The following ERFE variants were observed in gnomAD, a reference collection of about 807,000 sequenced individuals.
The protein encoded by ERFE is erythroferrone, also known as complement C1q tumor necrosis factor-related protein 15.
ERFE carries 25 observed loss-of-function variants against 26.6 expected under a neutral mutation model. That is an observed-to-expected ratio of 0.94 (90% CI 0.69 to 1.31). The LOEUF (loss-of-function observed/expected upper bound fraction) is 1.31. Ranked by LOEUF, ERFE falls within the 40% of genes most tolerant of loss-of-function variation. The probability of loss-of-function intolerance (pLI) is 0.00; values close to 1 mark genes in which losing one functional copy is unlikely to be tolerated. For synonymous variants in ERFE, 206 were observed against 204.5 expected (o/e 1.01, Z -0.06); for missense variants, 447 against 440.2 (o/e 1.02, Z -0.14).
chr2:238,164,440 C>G, intron 6 of ERFE, 80 bp downstream of exon 6: 1 of 1,404,074 alleles, frequency 7.1e-7, no homozygotes, highest in Non-Finnish European at 9.7e-7. Flanking sequence ...AGGCACTGGA[C>G]GGGGCTTCCG....
rs1172937238 is a variant in ERFE at position 238,165,653 on chromosome 2, C to T, written c.935C>T (p.Thr312Ile). 1 of 1,549,682 alleles carries T rather than the reference C, an allele frequency of 6.5e-7. No individual in the cohort carries two copies. The highest frequency in any genetic ancestry group is 1.2e-5 in the South Asian group (1 of 84,038). The change falls in exon 7 of 8, where the codon ACC becomes ATC. Residue 312 changes from threonine to isoleucine, a missense_variant. Thr to Ile is a moderately conservative substitution (Grantham distance 89). Transcript: ENST00000546354. ...CTGGAGAGCAGCAGTGAGCTCTTCA[C>T]CATCTCTGTGAATGGCGTCCTGTAC... ...MGLESSSELF[T>I]ISVNGVLYLQ... is the part of the protein sequence containing the mutation.
At chr2:238,160,173 T>A (rs1432158028) in intron 1 of ERFE, among the ~76,000 whole-genome samples, 3 of 152,190 alleles carry the variant, frequency 2.0e-5, no homozygotes, top group Non-Finnish European at 4.4e-5. Context: ...TGGACCCTGT[T>A]TGTGGGGGAC....
chr2:238,163,650 T>TAG, intron 3 of ERFE, 87 bp from the exon 4 acceptor site: 1 of 1,218,878 alleles, frequency 8.2e-7, no homozygotes, highest in Non-Finnish European at 1.0e-6. Flanking sequence ...GCCCCTGGTC[T>TAG]CGCTAGCACC....
rs1434869910 is a variant in ERFE at position 238,163,995 on chromosome 2, A to C, written c.683A>C (p.Tyr228Ser). ...RRALHELGVY[Y>S]LPDAEGAFRR... ...GCGCTGCACGAGCTTGGCGTCTACT[A>C]CCTGGTGAGTGCCGGCGCGCGGGAG... The change falls in exon 4 of 8, where the codon TAC becomes TCC. Residue 228 changes from tyrosine (Y) to serine (S), a missense_variant. Physicochemically the swap from Tyr to Ser is moderately radical, Grantham distance 144. Coordinates refer to ENST00000546354, the MANE Select transcript of ERFE (RefSeq NM_001291832.2). The C allele has an allele frequency of 5.8e-6, 8 of 1,385,892 alleles. No individual in the cohort carries two copies. In the African/African-American group the frequency reaches 1.1e-4, roughly 18 times the overall value. The allele number at this position is 1,385,892 out of a possible 1,614,324, so 85.8% of individuals were successfully genotyped here. A position where few individuals can be genotyped will look rare whatever the true frequency, so the allele number is the denominator to read the frequency against.
chr2:238,163,784 G>A lies in ERFE; in HGVS notation c.472G>A (p.Gly158Ser). ...ERAEPEPCTC[G>S]PAGPVAASLA... Reference sequence around the variant, plus strand: ...CGCGGAGCCCGAACCCTGTACGTGTGGCCCCGCCGGGCCGGTCGCTGCGAG... The same window carrying A: ...CGCGGAGCCCGAACCCTGTACGTGTAGCCCCGCCGGGCCGGTCGCTGCGAG... The change falls in exon 4 of 8, where the codon GGC (glycine) becomes AGC (serine). Residue 158 changes from glycine to serine, a missense_variant. Physicochemically the swap from Gly to Ser is moderately conservative, Grantham distance 56 (BLOSUM62 0). Transcript: ENST00000546354. 7.4e-7 allele frequency: 1 copy of A among 1,356,466 alleles called. No individual in the cohort carries two copies. The highest frequency in any genetic ancestry group is 9.4e-7 in the Non-Finnish European group (1 of 1,059,004). 84.0% of individuals were successfully genotyped at this position (1,356,466 alleles called of 1,614,324 possible).
At chr2:238,162,550 C>T (rs1692954463) in intron 2 of ERFE, among the ~76,000 whole-genome samples, 186 bp from the exon 3 acceptor site, 1 of 152,264 alleles carries the variant, frequency 6.6e-6, no homozygotes, top group Non-Finnish European at 1.5e-5. Context: ...CCCGAGGGCC[C>T]CCACCTCCAG....
intron 7 of ERFE, 70 bp from the exon 8 acceptor site, chr2:238,166,886 T>C: frequency 3.1e-6 from 4 of 1,293,018 alleles, no homozygotes; most frequent in Non-Finnish European, 4.4e-6. Context: ...GGAGTGTGGC[T>C]GGCTGGCCCT....
At position 238,168,226 on chromosome 2, in the gene ERFE, C is replaced by T. The variant is rs1693079641; in HGVS notation, c.*1172C>T. 2.8e-6 allele frequency: 1 copy of T among 356,124 alleles called. No individual in the cohort carries two copies. Among genetic ancestry groups the T allele is most frequent in the Non-Finnish European group, 5.8e-6 (1 of 172,890 alleles). 22.1% of individuals were successfully genotyped at this position (356,124 alleles called of 1,614,324 possible). A position where few individuals can be genotyped will look rare whatever the true frequency, so the allele number is the denominator to read the frequency against. Reference sequence around the variant, plus strand: ...GACACACAGGCTGTGAGCCCGCAGCCTCCTCAAATGTAGCCTCCCACATTT... The same window carrying T: ...GACACACAGGCTGTGAGCCCGCAGCTTCCTCAAATGTAGCCTCCCACATTT... On this transcript the variant is annotated 3_prime_UTR_variant, in exon 8 of 8. Transcript: ENST00000546354.
rs1344183240 is a variant in ERFE, at chr2:238,164,140, G to A, written c.753G>A (p.Ala251=). The change falls in exon 5 of 8, where the codon GCG becomes GCA. Residue 251 remains alanine (A), a synonymous_variant. Transcript: ENST00000546354. ...ACTTGACCAGCGGCCAGTACAGGGC[G>A]CCCGTGGCTGGCTTCTACGCTCTCG... ...GLNLTSGQYR[A]PVAGFYALAA... is the part of the protein sequence containing the mutation. 1.4e-6 allele frequency: 2 copies of A among 1,460,192 alleles called. No homozygotes were observed. Among genetic ancestry groups the A allele is most frequent in the Non-Finnish European group, 1.8e-6 (2 of 1,111,050 alleles). The allele number at this position is 1,460,192 out of a possible 1,614,324, so 90.5% of individuals were successfully genotyped here. A position where few individuals can be genotyped will look rare whatever the true frequency, so the allele number is the denominator to read the frequency against.
At chr2:238,163,668 C>A in intron 3 of ERFE, 69 bp from the exon 4 acceptor site, 1 of 1,240,366 alleles carries the variant, frequency 8.1e-7, no homozygotes, top group South Asian at 3.3e-5. Context: ...ACCTGTCGTT[C>A]AGGGCTGGAC....
In ERFE at chr2:238,167,525, CTG is replaced by C. The variant is rs1462593448; in HGVS notation, c.*477_*478del. The C allele has an allele frequency of 2.2e-6, 1 of 452,216 alleles. No homozygotes were observed. Among genetic ancestry groups the C allele is most frequent in the South Asian group, 1.6e-5 (1 of 63,590 alleles). 28.0% of individuals were successfully genotyped at this position (452,216 alleles called of 1,614,324 possible). ...GAGGGGGCTGCCACAGGGACGTACG[CTG>C]TGTGTTCTTACTGCTTAGAAGGGAC... On this transcript the variant is annotated 3_prime_UTR_variant, in exon 8 of 8. Transcript: ENST00000546354.
chr2:238,161,873 G>A (rs1219759237), intron 2 of ERFE, among the ~76,000 whole-genome samples, 157 bp downstream of exon 2: 2 of 152,214 alleles, frequency 1.3e-5, no homozygotes, highest in Non-Finnish European at 2.9e-5. Context: ...GCCCCAGGGG[G>A]AGCCCCGAGT....
intron 6 of ERFE, chr2:238,164,805 A>T: frequency 1.1e-5 from 2 of 184,282 alleles, no homozygotes; most frequent in Non-Finnish European, 2.3e-5. Flanking sequence ...GAGCAGAGAT[A>T]GCGCCACTGC....
chr2:238,164,994 C>G (rs371278379), intron 6 of ERFE, among the ~76,000 whole-genome samples: 3 of 152,156 alleles, frequency 2.0e-5, no homozygotes, highest in Admixed American at 6.5e-5. Context: ...TCTTGGGGCT[C>G]GAAGCACCAG....
chr2:238,168,018 C>T lies in ERFE; in HGVS notation c.*964C>T, dbSNP rs547292274. ...GGTGCCAGGGCCTGGCTGGGTCCAGCGGCTCTGGGATGAGCCTCCCAAGCA... is the reference window on the plus strand; with the variant it reads ...GGTGCCAGGGCCTGGCTGGGTCCAGTGGCTCTGGGATGAGCCTCCCAAGCA... On this transcript the variant is annotated 3_prime_UTR_variant, in exon 8 of 8. Transcript: ENST00000546354. 122 of 189,344 alleles carry T rather than the reference C, an allele frequency of 6.4e-4. No homozygotes were observed. Among genetic ancestry groups the T allele is most frequent in the African/African-American group, 2.6e-3 (109 of 42,430 alleles). The allele number at this position is 189,344 out of a possible 1,614,324, so 11.7% of individuals were successfully genotyped here.
At chr2:238,164,668 C>A (rs895049218) in intron 6 of ERFE, 17 of 373,580 alleles carry the variant, frequency 4.6e-5, no homozygotes, top group South Asian at 2.0e-4. Flanking sequence ...TCCTGGCTAA[C>A]ATGGTGAAAC....
At chr2:238,165,045 C>T (rs1298979753) in intron 6 of ERFE, among the ~76,000 whole-genome samples, 1 of 152,088 alleles carries the variant, frequency 6.6e-6, no homozygotes, top group Non-Finnish European at 1.5e-5. Context: ...TTCTGGAGGC[C>T]CCCTCCTCAG....
chr2:238,163,946 CG>C lies in ERFE; in HGVS notation c.637del (p.Asp213ThrfsTer30). 1 of 1,374,716 alleles carries C rather than the reference CG, an allele frequency of 7.3e-7. No individual in the cohort carries two copies. The highest frequency in any genetic ancestry group is 1.7e-5 in the South Asian group (1 of 58,326). The allele number at this position is 1,374,716 out of a possible 1,614,324, so 85.2% of individuals were successfully genotyped here. On this transcript the variant is annotated frameshift_variant, in exon 4 of 8. Coordinates refer to ENST00000546354, the MANE Select transcript of ERFE (RefSeq NM_001291832.2). LOFTEE classifies it high-confidence loss of function. ...VEAAFLCRLR[R>X]DALVERRALH... ...GGCCGCTTTCCTCTGCCGCCTGCGC[CG>C]GGACGCGTTGGTGGAGCGGCGCGCG...
Position 238,168,122 on chromosome 2 carries a change from T to C in ERFE, c.*1068T>C, listed in dbSNP as rs1693076944. 4 of 233,928 alleles carry C rather than the reference T, an allele frequency of 1.7e-5. No individual in the cohort carries two copies. The South Asian group carries it at 2.0e-4, about 12-fold the overall frequency. 14.5% of individuals were successfully genotyped at this position (233,928 alleles called of 1,614,324 possible). On this transcript the variant is annotated 3_prime_UTR_variant, in exon 8 of 8. Transcript: ENST00000546354. ...GAGATGGTCCCGAGAAAGGGTGGTC[T>C]TGGGAGGGCTGGTCCCAAGCCTGCT... is the stretch of plus-strand genomic sequence containing the variant.
Sources: gnomAD v4.1 joint callset for allele counts (sites outside exome capture counted in the v4.1 genomes callset) on GRCh38, gnomAD v4.1.1 for gene constraint, MANE v1.5 for transcripts, NCBI Gene and HGNC (gene_info 2026-07-23, HGNC 2026-07-21) for gene names.